The following VAPB variants were observed in gnomAD, a reference collection of about 807,000 sequenced individuals.
VAPB encodes vesicle-associated membrane protein-associated protein B/C.
VAPB carries 7 observed loss-of-function variants against 25.6 expected under a neutral mutation model. That is an observed-to-expected ratio of 0.27 (90% confidence interval 0.16 to 0.51). The LOEUF (loss-of-function observed/expected upper bound fraction) is 0.51. VAPB is among the 20% of genes least tolerant of loss of function. The pLI is 0.97. For missense variants in VAPB, 266 were observed against 301.3 expected (o/e 0.88, Z 0.87); for synonymous variants, 112 against 109.2 (o/e 1.03, Z -0.16).
In VAPB at chr20:58,444,111, A is replaced by G. The variant is rs746344958; in HGVS notation, c.608A>G (p.Gln203Arg). ...GGACTGCGGATGAGGAAGACAGTGC[A>G]GAGCAACAGCCCCATTTCAGCATTA... Reference protein sequence around the residue: ...EDGLRMRKTVQSNSPISALAP... With the variant: ...EDGLRMRKTVRSNSPISALAP... The change falls in exon 6 of 6, where the codon CAG (glutamine) becomes CGG (arginine). Residue 203 changes from glutamine (Q) to arginine (R), a missense_variant. Transcript: ENST00000475243. 5 of 1,614,244 alleles carry G rather than the reference A, an allele frequency of 3.1e-6. 1 individual carries two copies. Among genetic ancestry groups the G allele is most frequent in the Non-Finnish European group, 4.2e-6 (5 of 1,180,032 alleles).
chr20:58,427,577 G>T (rs1988826980), intron 2 of VAPB, among the ~76,000 whole-genome samples: 1 of 152,094 alleles, frequency 6.6e-6, no homozygotes, highest in Non-Finnish European at 1.5e-5. Flanking sequence ...TTACCATTAT[G>T]ATGCAGGCAA....
chr20:58,410,184 G>T (rs139219805), intron 1 of VAPB, among the ~76,000 whole-genome samples: 106 of 152,168 alleles, frequency 7.0e-4, no homozygotes, highest in Non-Finnish European at 1.3e-3. Flanking sequence ...TACACTGAGA[G>T]GTACATTGGT....
intron 5 of VAPB, among the ~76,000 whole-genome samples, chr20:58,443,404 T>TG (rs1478135268): frequency 1.8e-4 from 27 of 149,270 alleles, no homozygotes; most frequent in African/African-American, 6.4e-4. Flanking sequence ...TTAGGTTTTT[T>TG]TTTTTTTTTT....
intron 2 of VAPB, among the ~76,000 whole-genome samples, chr20:58,420,363 G>C (rs1273408465): frequency 1.3e-5 from 2 of 152,196 alleles, no homozygotes; most frequent in East Asian, 3.9e-4. Flanking sequence ...CTCTGCCTTT[G>C]TTCTGATTTA....
intron 1 of VAPB, among the ~76,000 whole-genome samples, chr20:58,413,933 G>C (rs1207976232): frequency 1.5e-5 from 1 of 68,144 alleles, no homozygotes. Flanking sequence ...CGGATGGGGC[G>C]GCTGGCCGGG....
chr20:58,403,834 G>GTT (rs1988158487), intron 1 of VAPB, among the ~76,000 whole-genome samples: 1 of 152,138 alleles, frequency 6.6e-6, no homozygotes, highest in Non-Finnish European at 1.5e-5. Flanking sequence ...TGTATTTACC[G>GTT]TTTACCTTCT....
rs1348785093 is a variant in VAPB at position 58,450,101 on chromosome 20, A to G, written c.*5866A>G. ...GTTGACTTGCCGGTTTTTCCATGTCATACAAAAAAGTCCTGGCTGTTTCTC... is the reference window on the plus strand; with the variant it reads ...GTTGACTTGCCGGTTTTTCCATGTCGTACAAAAAAGTCCTGGCTGTTTCTC... On this transcript the variant is annotated 3_prime_UTR_variant, in exon 6 of 6. Transcript: ENST00000475243. The G allele has an allele frequency of 1.1e-5, 5 of 454,012 alleles. No homozygotes were observed. Among genetic ancestry groups the G allele is most frequent in the Admixed American group, 9.4e-5 (4 of 42,554 alleles). The allele number at this position is 454,012 out of a possible 1,614,324, so 28.1% of individuals were successfully genotyped here.
chr20:58,404,297 C>CT (rs1988173057), intron 1 of VAPB, among the ~76,000 whole-genome samples: 1 of 152,192 alleles, frequency 6.6e-6, no homozygotes, highest in African/African-American at 2.4e-5. Flanking sequence ...GCCTCAGCTT[C>CT]TTTCACCCCT....
chr20:58,413,334 G>A (rs1231366461), intron 1 of VAPB, among the ~76,000 whole-genome samples: 1 of 151,668 alleles, frequency 6.6e-6, no homozygotes, highest in African/African-American at 2.4e-5. Flanking sequence ...CTTGAGATTA[G>A]GGACTGGTGA....
intron 2 of VAPB, among the ~76,000 whole-genome samples, chr20:58,419,046 A>G (rs1988612332): frequency 6.6e-6 from 1 of 152,236 alleles, no homozygotes; most frequent in Admixed American, 6.5e-5. Flanking sequence ...GTTTAAATGT[A>G]TTTTAGAAAT....
chr20:58,389,936 C>T (rs1987749548), intron 1 of VAPB, among the ~76,000 whole-genome samples: 2 of 152,220 alleles, frequency 1.3e-5, no homozygotes, highest in Admixed American at 6.5e-5. Context: ...TGTGACCACC[C>T]AGCCACCGTG....
chr20:58,406,345 T>G (rs941850789), intron 1 of VAPB, among the ~76,000 whole-genome samples: 1 of 152,104 alleles, frequency 6.6e-6, no homozygotes, highest in African/African-American at 2.4e-5. Context: ...AAAGGCAGAG[T>G]AAGGGAAAAA....
chr20:58,446,196 A>G lies in VAPB; in HGVS notation c.*1961A>G, dbSNP rs1216323118. Reference sequence around the variant, plus strand: ...GCCACCCCAATAGGAATTCGTCTCCAGGATTTTTCCCATGTGTCCCCCAGT... The same window carrying G: ...GCCACCCCAATAGGAATTCGTCTCCGGGATTTTTCCCATGTGTCCCCCAGT... On this transcript the variant is annotated 3_prime_UTR_variant, in exon 6 of 6. Coordinates refer to ENST00000475243, the MANE Select transcript of VAPB (RefSeq NM_004738.5). The G allele has an allele frequency of 1.1e-5, 5 of 454,018 alleles. No homozygotes were observed. The highest frequency in any genetic ancestry group is 1.0e-4 in the African/African-American group (5 of 50,026). 28.1% of individuals were successfully genotyped at this position (454,018 alleles called of 1,614,324 possible). A position where few individuals can be genotyped will look rare whatever the true frequency, so the allele number is the denominator to read the frequency against.
intron 1 of VAPB, among the ~76,000 whole-genome samples, chr20:58,395,096 A>G (rs1460316723): frequency 6.6e-6 from 1 of 151,676 alleles, no homozygotes; most frequent in African/African-American, 2.4e-5. Context: ...ACCCCTAGGC[A>G]TGATTTTTAG....
chr20:58,391,264 C>G (rs1211226679), intron 1 of VAPB, among the ~76,000 whole-genome samples: 1 of 152,130 alleles, frequency 6.6e-6, no homozygotes, highest in South Asian at 2.1e-4. Flanking sequence ...GCTGTACTCT[C>G]CTATTTTCCC....
chr20:58,426,103 C>G (rs1435217387), intron 2 of VAPB, among the ~76,000 whole-genome samples: 1 of 152,068 alleles, frequency 6.6e-6, no homozygotes, highest in Non-Finnish European at 1.5e-5. Context: ...ACAATGTTGG[C>G]CAGGCTGGCC....
Position 58,444,463 on chromosome 20 carries a change from G to T in VAPB, c.*228G>T. 1 of 678,682 alleles carries T rather than the reference G, an allele frequency of 1.5e-6. No homozygotes were observed. Among genetic ancestry groups the T allele is most frequent in the Non-Finnish European group, 2.7e-6 (1 of 376,646 alleles). The allele number at this position is 678,682 out of a possible 1,614,324, so 42.0% of individuals were successfully genotyped here. A position where few individuals can be genotyped will look rare whatever the true frequency, so the allele number is the denominator to read the frequency against. The stretch of plus-strand genomic sequence containing the variant: ...TATAGTAACTGATTGAGGGGGAAAA[G>T]AATGATCTTTATTAATGACAAGGGA... On this transcript the variant is annotated 3_prime_UTR_variant, in exon 6 of 6. Transcript: ENST00000475243.
chr20:58,389,848 T>C (rs1398101831), intron 1 of VAPB, among the ~76,000 whole-genome samples: 3 of 152,214 alleles, frequency 2.0e-5, no homozygotes, highest in Non-Finnish European at 4.4e-5. Flanking sequence ...TGCCTTTGCC[T>C]AGAAGTTTCT....
intron 1 of VAPB, among the ~76,000 whole-genome samples, chr20:58,401,708 T>C (rs1297748495): frequency 6.6e-6 from 1 of 152,184 alleles, no homozygotes; most frequent in Admixed American, 6.5e-5. Flanking sequence ...TTCTCCCCTT[T>C]GCGGAACTCT....
Sources: gnomAD v4.1 joint callset for allele counts (sites outside exome capture counted in the v4.1 genomes callset) on GRCh38, gnomAD v4.1.1 for gene constraint, MANE v1.5 for transcripts, NCBI Gene and HGNC (gene_info 2026-07-23, HGNC 2026-07-21) for gene names.